SKAP2: variants seen among roughly 807,000 people sequenced by gnomAD.
The protein encoded by SKAP2 is src kinase-associated phosphoprotein 2.
A neutral mutation model predicts 54.9 loss-of-function variants in SKAP2; 28 were observed. The ratio of observed to expected loss-of-function variants is 0.51; its 90% CI spans 0.38 to 0.70. The LOEUF (loss-of-function observed/expected upper bound fraction) is 0.70. Ranked by LOEUF, SKAP2 falls within the 30% of genes least tolerant of loss-of-function variation. The pLI is 0.00. For synonymous variants in SKAP2, 137 were observed against 134.3 expected, an observed-to-expected ratio of 1.02 and a Z score of -0.14; for missense variants, 356 against 424.1, an observed-to-expected ratio of 0.84 and a Z score of 1.41.
chr7:26,701,338 T>C (rs1302655878), intron 9 of SKAP2, among the ~76,000 whole-genome samples: 1 of 152,214 alleles, frequency 6.6e-6, no homozygotes, highest in Admixed American at 6.5e-5. Context: ...ACAACTGTCA[T>C]ACATTTTTGG....
chr7:26,658,630 TTTTC>T, the SKAP2 span, among the ~76,000 whole-genome samples: 7 of 152,142 alleles, frequency 4.6e-5, no homozygotes, highest in Non-Finnish European at 1.0e-4. Context: ...TTTCACTTCG[TTTTC>T]TTTGTTTGGC....
chr7:26,678,918 A>G (rs964288890), intron 11 of SKAP2, among the ~76,000 whole-genome samples: 3 of 147,870 alleles, frequency 2.0e-5, no homozygotes, highest in African/African-American at 8.0e-5. Flanking sequence ...AAGACATCTC[A>G]AAAGAGTGAA....
intron 4 of SKAP2, among the ~76,000 whole-genome samples, chr7:26,795,171 T>C (rs746831865): frequency 2.6e-5 from 4 of 152,370 alleles, no homozygotes; most frequent in Admixed American, 6.5e-5. Flanking sequence ...TGCTTCAGTT[T>C]ATGCCATCAA....
chr7:26,800,402 G>A (rs1368419361), intron 4 of SKAP2, among the ~76,000 whole-genome samples: 3 of 152,160 alleles, frequency 2.0e-5, no homozygotes, highest in African/African-American at 7.2e-5. Flanking sequence ...AGCTATAAGT[G>A]CCTATATTGA....
intron 4 of SKAP2, among the ~76,000 whole-genome samples, chr7:26,831,833 A>G (rs1468253510): frequency 6.6e-6 from 1 of 152,080 alleles, no homozygotes; most frequent in Admixed American, 6.5e-5. Flanking sequence ...TAGTCACTCT[A>G]AAATAAATAC....
chr7:26,841,667 G>A (rs1193783118), intron 4 of SKAP2, among the ~76,000 whole-genome samples: 28 of 152,058 alleles, frequency 1.8e-4, no homozygotes. Flanking sequence ...TTTTGAACCA[G>A]AGGAATAGAG....
At chr7:26,853,144 C>T (rs1052468646) in intron 3 of SKAP2, among the ~76,000 whole-genome samples, 3 of 152,120 alleles carry the variant, frequency 2.0e-5, no homozygotes, top group Non-Finnish European at 4.4e-5. Flanking sequence ...TAAACTGTGA[C>T]TTCCTTTTAA....
chr7:26,819,031 G>A (rs12537014), intron 4 of SKAP2, among the ~76,000 whole-genome samples: 32,296 of 151,900 alleles, frequency 0.21, 3,514 homozygotes, highest in Non-Finnish European at 0.24. Context: ...TCAAGGATCT[G>A]GAACCAGAAA....
At chr7:26,805,920 G>A (rs1251742106) in intron 4 of SKAP2, among the ~76,000 whole-genome samples, 5 of 151,946 alleles carry the variant, frequency 3.3e-5, no homozygotes, top group African/African-American at 4.8e-5. Flanking sequence ...AAAGTCTATC[G>A]GCACCATTTT....
intron 4 of SKAP2, among the ~76,000 whole-genome samples, chr7:26,778,058 C>T (rs1783350427): frequency 6.6e-6 from 1 of 151,936 alleles, no homozygotes; most frequent in Non-Finnish European, 1.5e-5. Context: ...TTTGATGACC[C>T]TAAATTGATT....
rs750796906 is a variant in SKAP2 at position 26,725,553 on chromosome 7, T to C, written c.671A>G (p.Asp224Gly). 6.9e-6 allele frequency: 11 copies of C among 1,601,678 alleles called. No homozygotes were observed. Among genetic ancestry groups the C allele is most frequent in the Non-Finnish European group, 9.4e-6 (11 of 1,174,124 alleles). The stretch of plus-strand genomic sequence containing the variant: ...CTCATCATAATCCTCAGGAATAATA[T>C]CAGATTCCATATCTATAAAACACAT... ...LKFVLQDMES[D>G]IIPEDYDERG... The change falls in exon 9 of 13, where the codon GAT (aspartate) becomes GGT (glycine). Residue 224 changes from aspartate to glycine, a missense_variant. Coordinates refer to ENST00000345317, the MANE Select transcript of SKAP2 (RefSeq NM_003930.5).
intron 6 of SKAP2, among the ~76,000 whole-genome samples, chr7:26,731,827 G>A (rs1159049979): frequency 4.0e-5 from 6 of 151,794 alleles, no homozygotes; most frequent in African/African-American, 1.2e-4. Context: ...CTGCCCCGAC[G>A]TTACCCCCTA....
At chr7:26,818,737 C>A (rs537520742) in intron 4 of SKAP2, among the ~76,000 whole-genome samples, 9 of 152,180 alleles carry the variant, frequency 5.9e-5, no homozygotes, top group African/African-American at 1.7e-4. Context: ...AAGAAAAAAA[C>A]AACCCCATCA....
intron 4 of SKAP2, among the ~76,000 whole-genome samples, chr7:26,828,306 C>A (rs753667570): frequency 2.0e-5 from 3 of 152,074 alleles, no homozygotes; most frequent in Non-Finnish European, 2.9e-5. Flanking sequence ...GAAATGATAG[C>A]GGTATATAAA....
intron 4 of SKAP2, among the ~76,000 whole-genome samples, chr7:26,829,559 A>G (rs1043785818): frequency 1.3e-5 from 2 of 152,166 alleles, no homozygotes; most frequent in Non-Finnish European, 2.9e-5. Flanking sequence ...CAAACAAACA[A>G]AAAACAATAA....
intron 9 of SKAP2, among the ~76,000 whole-genome samples, chr7:26,722,745 T>C (rs970186022): frequency 4.6e-5 from 7 of 152,112 alleles, no homozygotes; most frequent in Non-Finnish European, 8.8e-5. Flanking sequence ...CTTCTTACTC[T>C]TGAAACTCAA....
chr7:26,688,027 A>G (rs1411741424), intron 10 of SKAP2, among the ~76,000 whole-genome samples: 2 of 152,166 alleles, frequency 1.3e-5, no homozygotes, highest in East Asian at 3.8e-4. Flanking sequence ...AGCCTGTGAA[A>G]GATTAAAACA....
chr7:26,686,313 T>TA (rs1434333642), intron 10 of SKAP2, among the ~76,000 whole-genome samples: 1 of 151,828 alleles, frequency 6.6e-6, no homozygotes, highest in Non-Finnish European at 1.5e-5. Flanking sequence ...TTCTAAGAAT[T>TA]AAAAAAACAA....
chr7:26,816,065 T>C (rs1784259514), intron 4 of SKAP2, among the ~76,000 whole-genome samples: 1 of 152,158 alleles, frequency 6.6e-6, no homozygotes, highest in Non-Finnish European at 1.5e-5. Flanking sequence ...TGGTTGCATA[T>C]GATGATCTCA....
Sources: allele counts gnomAD v4.1 joint callset (sites outside exome capture counted in the v4.1 genomes callset), GRCh38; gene constraint gnomAD v4.1.1; transcripts MANE v1.5; gene names NCBI Gene and HGNC (gene_info 2026-07-23, HGNC 2026-07-21).